Variants in SMYD3 observed in about 807,000 individuals in gnomAD.
The protein encoded by SMYD3 is SET and MYND domain containing 3, also known as histone-lysine N-methyltransferase SMYD3.
A neutral mutation model predicts 57.7 loss-of-function variants in SMYD3; 36 were observed. The ratio of observed to expected loss-of-function variants is 0.62; its 90% CI spans 0.48 to 0.82. SMYD3 has a LOEUF of 0.82. Ranked by LOEUF, SMYD3 falls within the 40% of genes least tolerant of loss-of-function variation. SMYD3 has a pLI of 0.00. For missense variants in SMYD3, 515 were observed against 538.8 expected, an observed-to-expected ratio of 0.96 and a Z score of 0.44; for synonymous variants, 211 against 195.0, an observed-to-expected ratio of 1.08 and a Z score of -0.68.
At chr1:246,163,376 G>A (rs1205961226) in intron 5 of SMYD3, among the ~76,000 whole-genome samples, 1 of 152,194 alleles carries the variant, frequency 6.6e-6, no homozygotes, top group African/African-American at 2.4e-5. Flanking sequence ...TCATGAAATA[G>A]CAAGAGATTG....
intron 5 of SMYD3, among the ~76,000 whole-genome samples, chr1:246,231,247 T>A (rs900251505): frequency 6.6e-6 from 1 of 152,206 alleles, no homozygotes; most frequent in Non-Finnish European, 1.5e-5. Flanking sequence ...AGGTATATTT[T>A]CTCTGGTTTC....
intron 8 of SMYD3, among the ~76,000 whole-genome samples, chr1:245,876,034 T>C (rs1487928915): frequency 1.3e-5 from 2 of 152,208 alleles, no homozygotes; most frequent in African/African-American, 4.8e-5. Context: ...CTTTTTAAAA[T>C]ATGTATCAGA....
intron 5 of SMYD3, among the ~76,000 whole-genome samples, chr1:245,998,171 G>T (rs990002217): frequency 1.3e-5 from 2 of 152,148 alleles, no homozygotes; most frequent in Non-Finnish European, 2.9e-5. Context: ...AAGAAATAAA[G>T]ATAAGGAAGT....
chr1:245,969,453 G>A (rs546769340), intron 5 of SMYD3, among the ~76,000 whole-genome samples: 8 of 152,360 alleles, frequency 5.3e-5, no homozygotes, highest in African/African-American at 1.9e-4. Flanking sequence ...TGAGTCAGCT[G>A]AGTCTCATAG....
chr1:245,895,106 C>T (rs1194138183), intron 8 of SMYD3, among the ~76,000 whole-genome samples: 3 of 152,192 alleles, frequency 2.0e-5, no homozygotes, highest in South Asian at 2.1e-4. Flanking sequence ...AAGCCTCTCC[C>T]CGTATGTCAT....
chr1:245,889,899 C>T (rs1383657160), intron 8 of SMYD3, among the ~76,000 whole-genome samples: 2 of 152,164 alleles, frequency 1.3e-5, no homozygotes, highest in East Asian at 3.9e-4. Context: ...ACACACAGAC[C>T]AATGGAAAGA....
intron 1 of SMYD3, among the ~76,000 whole-genome samples, chr1:246,417,796 T>C (rs1037168165): frequency 4.6e-5 from 7 of 152,166 alleles, no homozygotes; most frequent in Non-Finnish European, 8.8e-5. Context: ...ATTCTAATCT[T>C]ATTGACTTTC....
intron 5 of SMYD3, among the ~76,000 whole-genome samples, chr1:245,966,059 A>C (rs114601652): frequency 0.014 from 2,126 of 152,348 alleles, 41 homozygotes; most frequent in African/African-American, 0.043. Context: ...TAAAAAGTTT[A>C]TTAATTTTTT....
intron 5 of SMYD3, among the ~76,000 whole-genome samples, chr1:246,181,457 T>C (rs1369482676): frequency 2.6e-5 from 4 of 152,224 alleles, no homozygotes; most frequent in Non-Finnish European, 4.4e-5. Flanking sequence ...TATTCAGTAA[T>C]GGCAGTACAT....
rs551178518 is a variant in SMYD3, at chr1:246,469,584, TAATGGAACAAATAGGAACC to T, written c.164+37451_164+37469del. Among the ~76,000 whole-genome samples the T allele has an allele frequency of 2.2e-3, 331 of 151,900 alleles. 2 individuals carry two copies. The highest frequency in any genetic ancestry group is 7.6e-3 in the African/African-American group (316 of 41,410). ...TCAGCATCAAAATAAATAAGAACAA[TAATGGAACAAATAGGAACC>T]AATGGAACAAATAGGAACCCATGAG... On this transcript the variant is annotated intron_variant, in intron 1 of 11. Coordinates refer to ENST00000490107, the MANE Select transcript of SMYD3 (RefSeq NM_001167740.2).
intron 2 of SMYD3, among the ~76,000 whole-genome samples, chr1:246,347,523 T>A (rs181582442): frequency 6.6e-6 from 1 of 152,324 alleles, no homozygotes; most frequent in Non-Finnish European, 1.5e-5. Context: ...TCTGAAAATC[T>A]CAAAACACTT....
intron 5 of SMYD3, among the ~76,000 whole-genome samples, chr1:246,162,611 C>T (rs1397717375): frequency 1.3e-5 from 2 of 152,118 alleles, no homozygotes; most frequent in East Asian, 3.8e-4. Flanking sequence ...ACAAAATAAC[C>T]AGCACTTCCT....
chr1:246,250,659 T>C (rs1028372674), intron 5 of SMYD3, among the ~76,000 whole-genome samples: 2 of 152,226 alleles, frequency 1.3e-5, no homozygotes, highest in Non-Finnish European at 2.9e-5. Context: ...GCTATATTCA[T>C]GTATTTAGAA....
intron 1 of SMYD3, among the ~76,000 whole-genome samples, chr1:246,430,486 T>C (rs900659099): frequency 6.6e-6 from 1 of 152,172 alleles, no homozygotes; most frequent in Non-Finnish European, 1.5e-5. Context: ...GCTAGAAATA[T>C]AGTTTGGAGC....
At chr1:245,839,043 C>T (rs1319197666) in intron 10 of SMYD3, among the ~76,000 whole-genome samples, 1 of 152,198 alleles carries the variant, frequency 6.6e-6, no homozygotes, top group African/African-American at 2.4e-5. Flanking sequence ...GGTCCTGATG[C>T]CACACCTGGC....
chr1:246,446,706 T>C (rs1179140935), intron 1 of SMYD3, among the ~76,000 whole-genome samples: 1 of 152,158 alleles, frequency 6.6e-6, no homozygotes, highest in Non-Finnish European at 1.5e-5. Flanking sequence ...AAAGGAGTTG[T>C]CTATTACTGC....
chr1:246,164,434 TA>T (rs1354684140), intron 5 of SMYD3, among the ~76,000 whole-genome samples: 6 of 151,942 alleles, frequency 3.9e-5, no homozygotes. Context: ...AATAAATAAA[TA>T]AATAGATAAA....
chr1:246,246,385 T>C (rs1013462324), intron 5 of SMYD3, among the ~76,000 whole-genome samples: 2 of 152,156 alleles, frequency 1.3e-5, no homozygotes, highest in African/African-American at 4.8e-5. Flanking sequence ...AAAATATATT[T>C]TTCTACTGGA....
chr1:246,440,543 G>A (rs1329879669), intron 1 of SMYD3, among the ~76,000 whole-genome samples: 5 of 152,002 alleles, frequency 3.3e-5, no homozygotes, highest in African/African-American at 9.7e-5. Flanking sequence ...ATTTATAAAA[G>A]TATTTTCAGG....
Sources: gnomAD v4.1 joint callset for allele counts (sites outside exome capture counted in the v4.1 genomes callset) on GRCh38, gnomAD v4.1.1 for gene constraint, MANE v1.5 for transcripts, NCBI Gene and HGNC (gene_info 2026-07-23, HGNC 2026-07-21) for gene names.